ATRX: variants seen among roughly 807,000 people sequenced by gnomAD.
ATRX encodes the protein ATRX chromatin remodeler, also known as chromatin remodeler ATRX.
In ATRX, 12 loss-of-function variants were observed where a neutral mutation model predicts 172.6. That is an observed-to-expected ratio of 0.07 (90% confidence interval 0.04 to 0.11). ATRX has a LOEUF of 0.11. Ranked by LOEUF, ATRX falls within the 10% of genes least tolerant of loss-of-function variation. The pLI, the probability that ATRX is intolerant of heterozygous loss-of-function variation, is 1.00. For synonymous variants in ATRX, 674 were observed against 594.7 expected (o/e 1.13, Z -1.94); for missense variants, 1,368 against 1,767.4 (o/e 0.77, Z 4.05).
intron 30 of ATRX, among the ~76,000 whole-genome samples, chrX:77,552,905 C>CA (rs1482330983): frequency 1.8e-5 from 2 of 110,273 alleles, no homozygotes; most frequent in South Asian, 3.8e-4. Context: ...TACCAAAAGA[C>CA]AAAAAAACCT....
intron 22 of ATRX, among the ~76,000 whole-genome samples, chrX:77,613,848 TA>T (rs1282583233): frequency 8.9e-6 from 1 of 112,182 alleles, no homozygotes; most frequent in Non-Finnish European, 1.9e-5. Flanking sequence ...ATTTAGTTAT[TA>T]AAAAATTAAG....
chrX:77,713,537 A>G (rs1479131214), intron 2 of ATRX, among the ~76,000 whole-genome samples: 1 of 111,939 alleles, frequency 8.9e-6, no homozygotes, highest in Non-Finnish European at 1.9e-5. Context: ...ATTTGTAAAA[A>G]GGTCAGCAGG....
At chrX:77,651,524 T>C (rs2069242499) in intron 15 of ATRX, among the ~76,000 whole-genome samples, 1 of 111,821 alleles carries the variant, frequency 8.9e-6, no homozygotes, top group South Asian at 3.7e-4. Context: ...TTAAGTTGCA[T>C]GAAATAGTGA....
chrX:77,735,240 C>A (rs1327575590), intron 1 of ATRX, among the ~76,000 whole-genome samples: 1 of 110,622 alleles, frequency 9.0e-6, no homozygotes, highest in African/African-American at 3.3e-5. Flanking sequence ...GACGGCCAGA[C>A]CACCTGAGGT....
chrX:77,630,590 T>C (rs1415489372), intron 19 of ATRX, among the ~76,000 whole-genome samples: 3 of 112,084 alleles, frequency 2.7e-5, no homozygotes, highest in African/African-American at 9.7e-5. Flanking sequence ...CACATACATC[T>C]ATGGTCAATT....
intron 19 of ATRX, among the ~76,000 whole-genome samples, chrX:77,629,813 T>C (rs2068028359): frequency 8.9e-6 from 1 of 112,285 alleles, no homozygotes. Flanking sequence ...CCAACTGCTC[T>C]GACCACTTAC....
chrX:77,545,012 C>T (rs782183619), intron 30 of ATRX, among the ~76,000 whole-genome samples: 1 of 111,668 alleles, frequency 9.0e-6, no homozygotes, highest in East Asian at 2.8e-4. Flanking sequence ...CCAAAAAACA[C>T]ATGAAAAAAT....
intron 1 of ATRX, among the ~76,000 whole-genome samples, chrX:77,759,824 T>C (rs782089919): frequency 8.9e-6 from 1 of 112,222 alleles, no homozygotes; most frequent in African/African-American, 3.2e-5. Flanking sequence ...CAAATATATA[T>C]TTAAATTTTC....
chrX:77,769,273 TTTTG>T (rs1557197791), intron 1 of ATRX, among the ~76,000 whole-genome samples: 3 of 109,060 alleles, frequency 2.8e-5, no homozygotes, highest in Admixed American at 2.0e-4. Flanking sequence ...ACAAACTGTT[TTTTG>T]TTTGTTTTTT....
chrX:77,598,369 C>A (rs1371515582), intron 25 of ATRX, among the ~76,000 whole-genome samples: 2 of 110,799 alleles, frequency 1.8e-5, no homozygotes, highest in Non-Finnish European at 3.8e-5. Flanking sequence ...TCAATCATAC[C>A]CCAAAGCTGA....
At chrX:77,737,436 G>GC (rs1569544111) in intron 1 of ATRX, among the ~76,000 whole-genome samples, 3 of 23,294 alleles carry the variant, frequency 1.3e-4, no homozygotes, top group Non-Finnish European at 2.0e-4. Flanking sequence ...AAAAAAAAAA[G>GC]GGGGGGGGGG....
chrX:77,526,729 C>T (rs2063394730), intron 30 of ATRX, among the ~76,000 whole-genome samples: 1 of 112,556 alleles, frequency 8.9e-6, no homozygotes, highest in Admixed American at 9.4e-5. Flanking sequence ...TATACTATGC[C>T]TGAAAATAAT....
At chrX:77,603,427 G>A (rs1360964425) in intron 22 of ATRX, among the ~76,000 whole-genome samples, 7 of 109,027 alleles carry the variant, frequency 6.4e-5, no homozygotes, top group South Asian at 4.1e-4. Flanking sequence ...GTACAGTGGC[G>A]CAATCTCGGC....
chrX:77,544,483 T>A (rs920542412), intron 30 of ATRX, among the ~76,000 whole-genome samples: 2 of 110,183 alleles, frequency 1.8e-5, no homozygotes, highest in Non-Finnish European at 3.8e-5. Flanking sequence ...TAGTTACATA[T>A]GTATACGTGT....
At chrX:77,774,220 C>CAA (rs560411888) in intron 1 of ATRX, among the ~76,000 whole-genome samples, 13 of 86,021 alleles carry the variant, frequency 1.5e-4, no homozygotes, top group South Asian at 5.2e-4. Context: ...AAAACTGTCT[C>CAA]AAAAAAAAAA....
chrX:77,745,173 G>GAAAAA (rs1247509964), intron 1 of ATRX, among the ~76,000 whole-genome samples: 4 of 27,425 alleles, frequency 1.5e-4, no homozygotes, highest in Non-Finnish European at 1.9e-4. Flanking sequence ...TCTCAAAAAT[G>GAAAAA]AAAAAAAAAA....
chrX:77,637,939 C>CA (rs373944111), intron 15 of ATRX, among the ~76,000 whole-genome samples: 2,223 of 42,770 alleles, frequency 0.052, 105 homozygotes, highest in Non-Finnish European at 0.068. Context: ...AGCTCCATCT[C>CA]AAAAAAAAAA....
intron 1 of ATRX, among the ~76,000 whole-genome samples, chrX:77,767,242 G>A: frequency 9.5e-6 from 1 of 105,194 alleles, no homozygotes; most frequent in African/African-American, 3.5e-5. Flanking sequence ...GTGGGGAGAG[G>A]GAGAGAGGGA....
chrX:77,688,090 A>G lies in ATRX; in HGVS notation c.594+728T>C, dbSNP rs907868360. On this transcript the variant is annotated intron_variant, in intron 7 of 34. Coordinates refer to ENST00000373344, the MANE Select transcript of ATRX (RefSeq NM_000489.6). ...GTAGCTGGGATTACAGGGACCCGCC[A>G]CCATGCCCGGCTAATTTTTTGTATT... Among the ~76,000 whole-genome samples the G allele has an allele frequency of 2.7e-5, 3 of 110,462 alleles. No homozygotes were observed. In the Admixed American group the frequency reaches 2.9e-4, roughly 11 times the overall value.
Sources: gnomAD v4.1 joint callset for allele counts (sites outside exome capture counted in the v4.1 genomes callset) on GRCh38, gnomAD v4.1.1 for gene constraint, MANE v1.5 for transcripts, NCBI Gene and HGNC (gene_info 2026-07-23, HGNC 2026-07-21) for gene names.